Variants in PHF6 observed in about 807,000 individuals in gnomAD.
The protein encoded by PHF6 is PHD finger protein 6, also known as PHD-like zinc finger protein.
A neutral mutation model predicts 34.0 loss-of-function variants in PHF6; 7 were observed. That is an observed-to-expected ratio of 0.21 (90% CI 0.12 to 0.39). PHF6 has a LOEUF of 0.39. Ranked by LOEUF, PHF6 falls within the 10% of genes least tolerant of loss-of-function variation. PHF6 has a pLI of 1.00. For synonymous variants in PHF6, 89 were observed against 88.4 expected, an observed-to-expected ratio of 1.01 and a Z score of -0.04; for missense variants, 128 against 262.8, an observed-to-expected ratio of 0.49 and a Z score of 3.55.
intron 3 of PHF6, among the ~76,000 whole-genome samples, chrX:134,382,734 A>T (rs1317076409): frequency 9.2e-6 from 1 of 108,752 alleles, no homozygotes. Flanking sequence ...CGCCCAGCTA[A>T]TTTTTTGTAT....
chrX:134,379,832 T>C (rs1408198514), intron 3 of PHF6, among the ~76,000 whole-genome samples: 1 of 112,161 alleles, frequency 8.9e-6, no homozygotes, highest in Non-Finnish European at 1.9e-5. Flanking sequence ...CATAGCACTA[T>C]GTTTTTATTT....
chrX:134,403,018 G>C (rs6638225), intron 5 of PHF6, among the ~76,000 whole-genome samples: 33,667 of 110,418 alleles, frequency 0.3, 4,363 homozygotes, highest in East Asian at 0.65. Flanking sequence ...CTTCCCTATT[G>C]TCTAAGACAT....
chrX:134,391,338 T>C (rs1329254442), intron 3 of PHF6, among the ~76,000 whole-genome samples: 3 of 112,294 alleles, frequency 2.7e-5, no homozygotes, highest in Non-Finnish European at 5.6e-5. Context: ...AATTCTACAA[T>C]GAATGTGCTT....
At chrX:134,379,065 T>C (rs951500252) in intron 3 of PHF6, among the ~76,000 whole-genome samples, 13 of 112,567 alleles carry the variant, frequency 1.2e-4, no homozygotes, top group African/African-American at 4.2e-4. Context: ...CGTTTGTAGT[T>C]ACTAAATAAC....
chrX:134,418,899 G>A (rs1378690397), intron 9 of PHF6: 1 of 107,015 alleles, frequency 9.3e-6, no homozygotes, highest in African/African-American at 3.5e-5. Flanking sequence ...CTGGAGTGCA[G>A]TAGTGTGATC....
intron 9 of PHF6, chrX:134,417,867 CA>C (rs1322013526): frequency 1.1e-4 from 12 of 105,169 alleles, no homozygotes; most frequent in East Asian, 3.0e-4. Context: ...CTCAAACAAA[CA>C]AAAAAAAAAC....
intron 3 of PHF6, among the ~76,000 whole-genome samples, 173 bp downstream of exon 3, chrX:134,378,279 C>T (rs757846649): frequency 3.1e-4 from 34 of 109,847 alleles, no homozygotes; most frequent in Non-Finnish European, 5.9e-4. Flanking sequence ...ATCTTATTTA[C>T]CACTCAACAA....
At position 134,417,449 on chromosome X, in the gene PHF6, A is replaced by G. The variant is rs186688661; in HGVS notation, c.968+147A>G. ...CATTATGTAAGGAATGAGTACTACA[A>G]TTGGCATTTTCCTCTGACTACATAT... On this transcript the variant is annotated intron_variant, in intron 9 of 10. Transcript: ENST00000370803. The G allele has an allele frequency of 2.6e-5, 15 of 567,840 alleles. No individual in the cohort carries two copies. The Admixed American group carries it at 3.6e-4, about 14-fold the overall frequency. 46.8% of individuals were successfully genotyped at this position (567,840 alleles called of 1,213,427 possible).
At chrX:134,408,237 TATCTATTA>T (rs2077433904) in intron 5 of PHF6, among the ~76,000 whole-genome samples, 1 of 112,700 alleles carries the variant, frequency 8.9e-6, no homozygotes, top group South Asian at 3.6e-4. Flanking sequence ...CCTAAGGATT[TATCTATTA>T]ATAAAATTGG....
intron 5 of PHF6, among the ~76,000 whole-genome samples, chrX:134,404,240 G>A (rs986825259): frequency 1.7e-4 from 19 of 112,106 alleles, no homozygotes; most frequent in African/African-American, 5.8e-4. Flanking sequence ...CGATGTTAAC[G>A]GGAATTTGGA....
At chrX:134,377,853 A>G (rs1377696805) in intron 2 of PHF6, 98 bp downstream of exon 2, 7 of 1,031,120 alleles carry the variant, frequency 6.8e-6, no homozygotes, top group Non-Finnish European at 9.4e-6. Flanking sequence ...ACAAAAACCA[A>G]AAAAAACTCA....
At chrX:134,392,050 A>G (rs2077357013) in intron 3 of PHF6, among the ~76,000 whole-genome samples, 1 of 111,959 alleles carries the variant, frequency 8.9e-6, no homozygotes, top group Non-Finnish European at 1.9e-5. Context: ...AAACAGCTGT[A>G]GTGAGACTGT....
intron 3 of PHF6, among the ~76,000 whole-genome samples, chrX:134,392,290 C>T (rs954593489): frequency 1.8e-5 from 2 of 111,867 alleles, no homozygotes; most frequent in African/African-American, 6.5e-5. Flanking sequence ...TGTCCAGCAA[C>T]CAAGAAGCAA....
chrX:134,409,757 A>G (rs1485784577), intron 5 of PHF6, among the ~76,000 whole-genome samples: 3 of 109,152 alleles, frequency 2.7e-5, no homozygotes, highest in Non-Finnish European at 5.7e-5. Flanking sequence ...GCCATTACCC[A>G]GGTACTGGGC....
At chrX:134,407,438 C>G (rs770198486) in intron 5 of PHF6, among the ~76,000 whole-genome samples, 1 of 112,239 alleles carries the variant, frequency 8.9e-6, no homozygotes, top group East Asian at 2.8e-4. Flanking sequence ...ACTTACAAGT[C>G]ATAACCATAG....
chrX:134,416,588 C>A (rs2077473288), intron 8 of PHF6, among the ~76,000 whole-genome samples: 1 of 111,712 alleles, frequency 9.0e-6, no homozygotes, highest in Non-Finnish European at 1.9e-5. Context: ...GTGAGAAGTC[C>A]TGCAATAAAG....
chrX:134,406,062 T>TTCTCTTTC (rs1556017614), intron 5 of PHF6, among the ~76,000 whole-genome samples: 56 of 78,060 alleles, frequency 7.2e-4, no homozygotes, highest in East Asian at 6.2e-3. Context: ...TCCTTTTTCT[T>TTCTCTTTC]TTTCTTTCTT....
At chrX:134,393,676 ATACT>A (rs35873365) in intron 4 of PHF6, 42 bp downstream of exon 4, 41,212 of 1,130,510 alleles carry the variant, frequency 0.036, 658 homozygotes, top group Non-Finnish European at 0.043. Flanking sequence ...TTTAACAATA[ATACT>A]TTCTTTGGGC....
At chrX:134,419,790 A>G (rs745914468) in intron 9 of PHF6, 1 of 111,979 alleles carries the variant, frequency 8.9e-6, no homozygotes, top group Non-Finnish European at 1.9e-5. Flanking sequence ...ATTGAGAACC[A>G]TTAGACTATA....
Sources: gnomAD v4.1 joint callset for allele counts (sites outside exome capture counted in the v4.1 genomes callset) on GRCh38, gnomAD v4.1.1 for gene constraint, MANE v1.5 for transcripts, NCBI Gene and HGNC (gene_info 2026-07-23, HGNC 2026-07-21) for gene names.